ANO10: variants seen among roughly 807,000 people sequenced by gnomAD.
ANO10 encodes anoctamin-10.
ANO10 carries 77 observed loss-of-function variants against 74.7 expected under a neutral mutation model. The observed-to-expected ratio is 1.03, with a 90% CI of 0.86 to 1.25. The LOEUF (loss-of-function observed/expected upper bound fraction) is 1.25, where lower values mean the gene tolerates loss of function less well. ANO10 is among the 50% of genes most tolerant of loss of function. ANO10 has a pLI of 0.00. For missense variants in ANO10, 721 were observed against 778.1 expected (o/e 0.93, Z 0.87); for synonymous variants, 279 against 284.9 (o/e 0.98, Z 0.21).
In ANO10 at chr3:43,493,916, C is replaced by G. The variant is rs9822880; in HGVS notation, c.1797+55804G>C. ...ACACTAGGCTAATTTTCCATTTTTT[C>G]ACAGAGATGGGGTCTTGCTTTGTTG... On this transcript the variant is annotated intron_variant, in intron 11 of 12. Transcript: ENST00000292246. Among the ~76,000 whole-genome samples, 315 of 152,112 alleles carry G rather than the reference C, an allele frequency of 2.1e-3. 2 individuals are homozygous for G. Among genetic ancestry groups the G allele is most frequent in the African/African-American group, 7.2e-3 (299 of 41,522 alleles).
intron 11 of ANO10, among the ~76,000 whole-genome samples, chr3:43,452,321 C>T (rs1284887801): frequency 1.3e-5 from 2 of 152,220 alleles, no homozygotes; most frequent in Non-Finnish European, 2.9e-5. Flanking sequence ...AAAGCCTATG[C>T]CCCTTAATGG....
intron 11 of ANO10, among the ~76,000 whole-genome samples, chr3:43,532,484 T>A (rs1352757233): frequency 1.3e-5 from 2 of 152,362 alleles, no homozygotes; most frequent in East Asian, 3.9e-4. Context: ...GTTCATCCAG[T>A]ATAATACTGA....
chr3:43,369,765 C>T (rs185356200), intron 12 of ANO10, among the ~76,000 whole-genome samples: 34 of 152,306 alleles, frequency 2.2e-4, no homozygotes, highest in African/African-American at 7.9e-4. Flanking sequence ...AATGGCAGAA[C>T]CAGAAATTAA....
At chr3:43,501,368 C>A (rs2077094455) in intron 11 of ANO10, among the ~76,000 whole-genome samples, 1 of 152,150 alleles carries the variant, frequency 6.6e-6, no homozygotes, top group Admixed American at 6.5e-5. Context: ...CCAAACACTG[C>A]CCATTAGGCA....
chr3:43,432,854 G>T, intron 11 of ANO10, 127 bp from the exon 12 acceptor site: 1 of 647,902 alleles, frequency 1.5e-6, no homozygotes, highest in Non-Finnish European at 2.7e-6. Flanking sequence ...ATTGGCCTGT[G>T]AAGTATCAAA....
At chr3:43,533,777 A>C (rs1022207913) in intron 11 of ANO10, among the ~76,000 whole-genome samples, 1 of 152,220 alleles carries the variant, frequency 6.6e-6, no homozygotes, top group Admixed American at 6.5e-5. Flanking sequence ...GAAAAGGTCA[A>C]ACTGCTTTGT....
At chr3:43,497,245 G>A (rs1195236655) in intron 11 of ANO10, among the ~76,000 whole-genome samples, 1 of 152,192 alleles carries the variant, frequency 6.6e-6, no homozygotes, top group African/African-American at 2.4e-5. Flanking sequence ...ACAAAAGTCA[G>A]CGTGTGCACA....
At chr3:43,682,919 C>T (rs145896788) in intron 1 of ANO10, among the ~76,000 whole-genome samples, 3,209 of 152,150 alleles carry the variant, frequency 0.021, 57 homozygotes, top group South Asian at 0.091. Flanking sequence ...TAGGTATTGA[C>T]GGGACATATC....
Position 43,580,431 on chromosome 3 carries a change from G to C in ANO10, c.514C>G (p.Pro172Ala). ...LTSGIVIQVF[P>A]LHDSEALKKL... Reference sequence around the variant, plus strand: ...TTCAGGGCTTCACTGTCATGCAGTGGAAACACCTGAATCACGATGCCAGAC... The same window carrying C: ...TTCAGGGCTTCACTGTCATGCAGTGCAAACACCTGAATCACGATGCCAGAC... The change falls in exon 5 of 13, where the codon CCA (proline) becomes GCA (alanine). Residue 172 changes from proline (P) to alanine (A), a missense_variant. Coordinates refer to ENST00000292246, the MANE Select transcript of ANO10 (RefSeq NM_018075.5). 1 of 1,614,008 alleles carries C rather than the reference G, an allele frequency of 6.2e-7. No individual in the cohort carries two copies. The highest frequency in any genetic ancestry group is 8.5e-7 in the Non-Finnish European group (1 of 1,179,952).
Position 43,555,387 on chromosome 3 carries a change from G to C in ANO10, c.1559C>G (p.Ala520Gly). 1 of 1,614,104 alleles carries C rather than the reference G, an allele frequency of 6.2e-7. No individual in the cohort carries two copies. Among genetic ancestry groups the C allele is most frequent in the Non-Finnish European group, 8.5e-7 (1 of 1,180,014 alleles). The change falls in exon 10 of 13, where the codon GCC (alanine) becomes GGC (glycine). Residue 520 changes from alanine (A) to glycine (G), a missense_variant. By Grantham distance (60) the Ala-to-Gly change is moderately conservative. Transcript: ENST00000292246. ...LFSCVYPLAA[A>G]FAVLNNFTEV... ...AGTGAAGTTATTTAACACAGCAAAGGCAGCTGCTAATGGGTAAACACAGGA... is the reference window on the plus strand; with the variant it reads ...AGTGAAGTTATTTAACACAGCAAAGCCAGCTGCTAATGGGTAAACACAGGA...
At chr3:43,498,017 A>G (rs1297411428) in intron 11 of ANO10, among the ~76,000 whole-genome samples, 1 of 152,226 alleles carries the variant, frequency 6.6e-6, no homozygotes, top group African/African-American at 2.4e-5. Flanking sequence ...AATGACTCAT[A>G]TACTGTGTTC....
At chr3:43,645,733 C>A (rs540737157) in intron 1 of ANO10, among the ~76,000 whole-genome samples, 2 of 152,162 alleles carry the variant, frequency 1.3e-5, no homozygotes, top group African/African-American at 4.8e-5. Context: ...ATTTCCTGGG[C>A]ACATTTATTT....
chr3:43,424,327 G>A (rs2092865424), intron 12 of ANO10, among the ~76,000 whole-genome samples: 1 of 152,150 alleles, frequency 6.6e-6, no homozygotes, highest in Admixed American at 6.5e-5. Flanking sequence ...AACTAACTTT[G>A]GAAGAAACTT....
intron 1 of ANO10, among the ~76,000 whole-genome samples, chr3:43,610,306 C>G (rs1559778166): frequency 6.6e-6 from 1 of 152,128 alleles, no homozygotes; most frequent in African/African-American, 2.4e-5. Context: ...ATGCCTTCTT[C>G]TGGAATACCT....
intron 11 of ANO10, among the ~76,000 whole-genome samples, chr3:43,441,213 AC>A (rs201743040): frequency 0.28 from 22,431 of 81,430 alleles, 1,837 homozygotes; most frequent in African/African-American, 0.29. Context: ...GACTAGAAAA[AC>A]AACAGCAAAA....
chr3:43,620,121 A>G (rs1277983540), intron 1 of ANO10, among the ~76,000 whole-genome samples: 1 of 152,200 alleles, frequency 6.6e-6, no homozygotes, highest in Non-Finnish European at 1.5e-5. Flanking sequence ...TATCCATTTG[A>G]GGAACACTGA....
chr3:43,565,537 A>G lies in ANO10; in HGVS notation c.1293+116T>C, dbSNP rs2149359493. 6 of 916,814 alleles carry G rather than the reference A, an allele frequency of 6.5e-6. No individual in the cohort carries two copies. The South Asian group carries it at 9.7e-5, about 15-fold the overall frequency. 56.8% of individuals were successfully genotyped at this position (916,814 alleles called of 1,614,324 possible). ...TATTTAGAATTTGGCTTAAAAACAT[A>G]CAAAATTTAAAAGATTTTATTTGTA... On this transcript the variant is annotated intron_variant, in intron 8 of 12. Transcript: ENST00000292246.
chr3:43,456,822 C>T (rs372787478), intron 11 of ANO10, among the ~76,000 whole-genome samples: 6 of 152,086 alleles, frequency 3.9e-5, no homozygotes, highest in East Asian at 1.9e-4. Context: ...GTAATTGAGG[C>T]GGTAGTGGTC....
chr3:43,427,828 A>AT (rs2092920624), intron 12 of ANO10, among the ~76,000 whole-genome samples: 1 of 152,202 alleles, frequency 6.6e-6, no homozygotes, highest in Admixed American at 6.5e-5. Context: ...TGGCCAGTTA[A>AT]TTTTTTGAGT....
Sources: allele counts gnomAD v4.1 joint callset (sites outside exome capture counted in the v4.1 genomes callset), GRCh38; gene constraint gnomAD v4.1.1; transcripts MANE v1.5; gene names NCBI Gene and HGNC (gene_info 2026-07-23, HGNC 2026-07-21).